AGPAT4: variants seen among roughly 807,000 people sequenced by gnomAD.
AGPAT4 encodes the protein 1-acyl-sn-glycerol-3-phosphate acyltransferase delta.
A neutral mutation model predicts 48.0 loss-of-function variants in AGPAT4; 15 were observed. The observed-to-expected ratio is 0.31, with a 90% CI of 0.21 to 0.48. The LOEUF is 0.48. Among genes scored for constraint, AGPAT4 ranks in the 20% least tolerant of loss-of-function variants. The probability of loss-of-function intolerance (pLI) is 0.99; values close to 1 mark genes in which losing one functional copy is unlikely to be tolerated. For missense variants in AGPAT4, 314 were observed against 482.5 expected (o/e 0.65, Z 3.27); for synonymous variants, 178 against 198.7 (o/e 0.90, Z 0.88).
At chr6:161,269,856 T>G (rs944468930) in intron 1 of AGPAT4, among the ~76,000 whole-genome samples, 7 of 152,228 alleles carry the variant, frequency 4.6e-5, no homozygotes, top group African/African-American at 1.4e-4. Flanking sequence ...CATGTATGTG[T>G]GAATGGATGA....
chr6:161,242,511 C>T lies in AGPAT4; in HGVS notation c.-89-10209G>A, dbSNP rs1782521814. 6.6e-6 allele frequency among the ~76,000 whole-genome samples: 1 copy of T among 152,154 alleles called. No homozygotes were observed. The stretch of plus-strand genomic sequence containing the variant: ...ACCCCATCCAGCTCGCCCGCAGCCT[C>T]ATGGGGCTGGAGGGTGCAGACCTCA... On this transcript the variant is annotated intron_variant, in intron 1 of 8. Coordinates refer to ENST00000320285, the MANE Select transcript of AGPAT4 (RefSeq NM_020133.3). This position sits in a 1 kb window ranked among gnomAD's most constrained non-coding sequence, Gnocchi z 5.0.
rs1477026805 is a variant in AGPAT4, at chr6:161,231,529, T to C, written c.178+507A>G. ...CCAAGGAGTGTACAGAATTTCTCAG[T>C]ATTATTTGTTACAGCTTCATGTGAA... On this transcript the variant is annotated intron_variant, in intron 2 of 8. Coordinates refer to ENST00000320285, the MANE Select transcript of AGPAT4 (RefSeq NM_020133.3). This position sits in a 1 kb window ranked among gnomAD's most constrained non-coding sequence, Gnocchi z 5.3. Among the ~76,000 whole-genome samples the C allele has an allele frequency of 1.3e-5, 2 of 152,150 alleles. No individual in the cohort carries two copies. Among genetic ancestry groups the C allele is most frequent in the African/African-American group, 2.4e-5 (1 of 41,410 alleles).
In AGPAT4 at chr6:161,259,868, C is replaced by T. The variant is rs1317161747; in HGVS notation, c.-90+14070G>A. On this transcript the variant is annotated intron_variant, in intron 1 of 8. Transcript: ENST00000320285. The surrounding 1 kb of genome is among the most constrained non-coding windows in gnomAD (Gnocchi z 4.9). ...CCTAGCTCCATGGTATCTATGTGCACGCTGCACCCCCAGGGCCGAGTCGTA... is the reference window on the plus strand; with the variant it reads ...CCTAGCTCCATGGTATCTATGTGCATGCTGCACCCCCAGGGCCGAGTCGTA... Among the ~76,000 whole-genome samples the T allele has an allele frequency of 1.3e-5, 2 of 152,152 alleles. No individual in the cohort carries two copies. The highest frequency in any genetic ancestry group is 4.8e-5 in the African/African-American group (2 of 41,454).
At position 161,245,482 on chromosome 6, in the gene AGPAT4, A is replaced by T. The variant is rs890613727; in HGVS notation, c.-89-13180T>A. ...AAACTAACGTGGCATTAAGCACCCT[A>T]GAGGGATCGCCAGGAGTAGAGCTCA... On this transcript the variant is annotated intron_variant, in intron 1 of 8. Transcript: ENST00000320285. This position sits in a 1 kb window ranked among gnomAD's most constrained non-coding sequence, Gnocchi z 5.2. Among the ~76,000 whole-genome samples the T allele has an allele frequency of 2.0e-5, 3 of 152,164 alleles. No homozygotes were observed. The highest frequency in any genetic ancestry group is 1.3e-4 in the Admixed American group (2 of 15,280).
Position 161,148,798 on chromosome 6 carries a change from G to A in AGPAT4, c.767+389C>T, listed in dbSNP as rs531997597. 2.6e-5 allele frequency among the ~76,000 whole-genome samples: 4 copies of A among 152,304 alleles called. No homozygotes were observed. Among genetic ancestry groups the A allele is most frequent in the Admixed American group, 2.0e-4 (3 of 15,302 alleles). On this transcript the variant is annotated intron_variant, in intron 6 of 8. Coordinates refer to ENST00000320285, the MANE Select transcript of AGPAT4 (RefSeq NM_020133.3). The surrounding 1 kb of genome is among the most constrained non-coding windows in gnomAD (Gnocchi z 5.5). ...GAACATAACACATAAGTGAGACACT[G>A]CAAGAGTTCTGCATTTGTGTCTAGA...
At chr6:161,136,759 G>A in intron 8 of AGPAT4, 125 bp from the exon 9 acceptor site, 1 of 735,796 alleles carries the variant, frequency 1.4e-6, no homozygotes. Context: ...TGGCTGGCGG[G>A]TTTGAGGTGC....
At chr6:161,181,767 G>C (rs538681409) in intron 2 of AGPAT4, among the ~76,000 whole-genome samples, 1 of 152,034 alleles carries the variant, frequency 6.6e-6, no homozygotes, top group Admixed American at 6.6e-5. Flanking sequence ...TCACACGTCC[G>C]CACCATCAGA....
rs1582928006 is a variant in AGPAT4 at position 161,272,737 on chromosome 6, C to T, written c.-90+1201G>A. Among the ~76,000 whole-genome samples the T allele has an allele frequency of 6.6e-6, 1 of 151,034 alleles. No individual in the cohort carries two copies. The highest frequency in any genetic ancestry group is 2.1e-4 in the South Asian group (1 of 4,760). On this transcript the variant is annotated intron_variant, in intron 1 of 8. Coordinates refer to ENST00000320285, the MANE Select transcript of AGPAT4 (RefSeq NM_020133.3). This position sits in a 1 kb window ranked among gnomAD's most constrained non-coding sequence, Gnocchi z 4.2. ...ACACACACACACACACACACAAACA[C>T]ACACATTCTCCCTTCTCTCAAGATA...
Position 161,138,823 on chromosome 6 carries a change from G to A in AGPAT4, c.1042+599C>T, listed in dbSNP as rs1356756549. ...GCACGGACCTGCTGTTCACAGGGCA[G>A]GAAGCAGGCACGACAGGCTGCCCCG... On this transcript the variant is annotated intron_variant, in intron 8 of 8. Coordinates refer to ENST00000320285, the MANE Select transcript of AGPAT4 (RefSeq NM_020133.3). The surrounding 1 kb of genome is among the most constrained non-coding windows in gnomAD (Gnocchi z 4.8). Among the ~76,000 whole-genome samples, 1 of 152,174 alleles carries A rather than the reference G, an allele frequency of 6.6e-6. No individual in the cohort carries two copies. The highest frequency in any genetic ancestry group is 1.5e-5 in the Non-Finnish European group (1 of 68,022).
Position 161,219,946 on chromosome 6 carries a change from G to A in AGPAT4, c.178+12090C>T, listed in dbSNP as rs10080857. On this transcript the variant is annotated intron_variant, in intron 2 of 8. Transcript: ENST00000320285. The surrounding 1 kb of genome is among the most constrained non-coding windows in gnomAD (Gnocchi z 4.9). ...GGCAGGCAGGCAGGCAGGCAGGCAG[G>A]CAGACAGACAGACAGACAGACAGGC... 0.38 allele frequency among the ~76,000 whole-genome samples: 53,769 copies of A among 142,744 alleles called. 10,529 individuals carry two copies. The highest frequency in any genetic ancestry group is 0.42 in the Non-Finnish European group (27,819 of 66,510). 93.6% of individuals were successfully genotyped at this position (142,744 alleles called of 152,430 possible). A position where few individuals can be genotyped will look rare whatever the true frequency, so the allele number is the denominator to read the frequency against.
Position 161,143,663 on chromosome 6 carries a change from C to T in AGPAT4, c.843+2861G>A, listed in dbSNP as rs978572166. Reference sequence around the variant, plus strand: ...GGTTTCTCAAAGCCTTCCAACAACACGAGTCCCAAATGCTGACGAGCAAGA... The same window carrying T: ...GGTTTCTCAAAGCCTTCCAACAACATGAGTCCCAAATGCTGACGAGCAAGA... On this transcript the variant is annotated intron_variant, in intron 7 of 8. Coordinates refer to ENST00000320285, the MANE Select transcript of AGPAT4 (RefSeq NM_020133.3). The surrounding 1 kb of genome is among the most constrained non-coding windows in gnomAD (Gnocchi z 4.7). Among the ~76,000 whole-genome samples, 10 of 152,198 alleles carry T rather than the reference C, an allele frequency of 6.6e-5. No individual in the cohort carries two copies. The highest frequency in any genetic ancestry group is 6.2e-4 in the South Asian group (3 of 4,830).
rs529537728 is a variant in AGPAT4 at position 161,235,716 on chromosome 6, C to T, written c.-89-3414G>A. Among the ~76,000 whole-genome samples the T allele has an allele frequency of 2.6e-4, 40 of 151,778 alleles. No individual in the cohort carries two copies. The highest frequency in any genetic ancestry group is 8.7e-4 in the African/African-American group (36 of 41,398). On this transcript the variant is annotated intron_variant, in intron 1 of 8. Transcript: ENST00000320285. This position sits in a 1 kb window ranked among gnomAD's most constrained non-coding sequence, Gnocchi z 6.2. ...GCATCTTACAAGGCAGGAGGAAGAG[C>T]GAGAGAGAGAGAAGGGGGAGGTGCC...
rs1407378693 is a variant in AGPAT4, at chr6:161,140,304, T to TA, written c.844-685dup. Among the ~76,000 whole-genome samples the TA allele has an allele frequency of 1.3e-5, 2 of 152,208 alleles. No individual in the cohort carries two copies. The highest frequency in any genetic ancestry group is 4.8e-5 in the African/African-American group (2 of 41,464). On this transcript the variant is annotated intron_variant, in intron 7 of 8. Transcript: ENST00000320285. This position sits in a 1 kb window ranked among gnomAD's most constrained non-coding sequence, Gnocchi z 6.5. ...CAGGGTGACTCTTCTAAGTGATTGT[T>TA]AGACCGTGTGAAAGGTAAACAAACA...
rs915435164 is a variant in AGPAT4 at position 161,200,973 on chromosome 6, T to C, written c.178+31063A>G. On this transcript the variant is annotated intron_variant, in intron 2 of 8. Coordinates refer to ENST00000320285, the MANE Select transcript of AGPAT4 (RefSeq NM_020133.3). This position sits in a 1 kb window ranked among gnomAD's most constrained non-coding sequence, Gnocchi z 5.5. ...GTCACTGCAAAGCTGGGCCAGCCTG[T>C]GATCCTTTCCATCAGAGCAACAGGC... is the stretch of plus-strand genomic sequence containing the variant. 6.6e-6 allele frequency among the ~76,000 whole-genome samples: 1 copy of C among 152,220 alleles called. No homozygotes were observed. Among genetic ancestry groups the C allele is most frequent in the Non-Finnish European group, 1.5e-5 (1 of 68,040 alleles).
At chr6:161,186,363 C>G (rs111959871) in intron 2 of AGPAT4, among the ~76,000 whole-genome samples, 2 of 152,134 alleles carry the variant, frequency 1.3e-5, no homozygotes, top group Non-Finnish European at 2.9e-5. Context: ...CCCAGGGCTC[C>G]TCTATTTGCA....
chr6:161,132,611 G>A lies in AGPAT4; in HGVS notation c.*3929C>T, dbSNP rs1778936753. 6.6e-6 allele frequency: 1 copy of A among 152,340 alleles called. No homozygotes were observed. The highest frequency in any genetic ancestry group is 2.4e-5 in the African/African-American group (1 of 41,484). The allele number at this position is 152,340 out of a possible 1,614,324, so 9.4% of individuals were successfully genotyped here. A position where few individuals can be genotyped will look rare whatever the true frequency, so the allele number is the denominator to read the frequency against. On this transcript the variant is annotated 3_prime_UTR_variant, in exon 9 of 9. Coordinates refer to ENST00000320285, the MANE Select transcript of AGPAT4 (RefSeq NM_020133.3). ...CCGTGCCAAGGCGTGACTAGGACCA[G>A]AAGAATCAGAAAGCATGGTGGAGTC...
In AGPAT4 at chr6:161,177,412, C is replaced by T. The variant is rs1041819701; in HGVS notation, c.179-10995G>A. Among the ~76,000 whole-genome samples, 46 of 152,298 alleles carry T rather than the reference C, an allele frequency of 3.0e-4. No homozygotes were observed. The highest frequency in any genetic ancestry group is 9.6e-4 in the African/African-American group (40 of 41,560). ...TAATTTGATCTTCAATCACTGATAT[C>T]GTTTCTTCCACTTGATCGAATCGGC... On this transcript the variant is annotated intron_variant, in intron 2 of 8. Transcript: ENST00000320285. The surrounding 1 kb of genome is among the most constrained non-coding windows in gnomAD (Gnocchi z 5.0).
chr6:161,151,418 G>A (rs891862553), intron 5 of AGPAT4, among the ~76,000 whole-genome samples: 2 of 152,198 alleles, frequency 1.3e-5, no homozygotes, highest in African/African-American at 4.8e-5. Flanking sequence ...ACGGCCTTGC[G>A]AGGCAAGACT....
intron 2 of AGPAT4, among the ~76,000 whole-genome samples, chr6:161,186,460 C>T (rs941002080): frequency 2.6e-5 from 4 of 152,100 alleles, no homozygotes; most frequent in South Asian, 2.1e-4. Flanking sequence ...TCCACCGGCT[C>T]GCTGCCGTCA....
Sources: gnomAD v4.1 joint callset for allele counts (sites outside exome capture counted in the v4.1 genomes callset) on GRCh38, gnomAD v4.1.1 for gene constraint, Gnocchi (gnomAD v3.1) non-coding constraint, MANE v1.5 for transcripts, NCBI Gene and HGNC (gene_info 2026-07-23, HGNC 2026-07-21) for gene names.